Variants in ADGRA2 observed in about 807,000 individuals in gnomAD.
ADGRA2 encodes adhesion G protein-coupled receptor A2, also known as G-protein coupled receptor 124.
Under a neutral mutation model 98.7 loss-of-function variants are expected in ADGRA2, and 61 were observed. That is an observed-to-expected ratio of 0.62 (90% CI 0.50 to 0.76). ADGRA2 has a LOEUF of 0.76. ADGRA2 is among the 30% of genes least tolerant of loss of function. ADGRA2 has a pLI of 0.00. For missense variants in ADGRA2, 1,712 were observed against 1,860.0 expected (o/e 0.92, Z 1.46); for synonymous variants, 858 against 831.5 (o/e 1.03, Z -0.55).
At chr8:37,824,233 G>A (rs1805204391) in intron 2 of ADGRA2, among the ~76,000 whole-genome samples, 1 of 151,914 alleles carries the variant, frequency 6.6e-6, no homozygotes. Context: ...GTTTCACCAT[G>A]TTAGTCAGGC....
In ADGRA2 at chr8:37,802,466, A is replaced by G. The variant is rs189125070; in HGVS notation, c.266+4932A>G. ...GGAGGGGGAAAGAGCAAAGAAAAAG[A>G]AGGAAAGAAGAGAGGGAAGAGGCCA... On this transcript the variant is annotated intron_variant, in intron 1 of 18. Coordinates refer to ENST00000412232, the MANE Select transcript of ADGRA2 (RefSeq NM_032777.10). The surrounding 1 kb of genome is among the most constrained non-coding windows in gnomAD (Gnocchi z 4.7). Among the ~76,000 whole-genome samples, 12 of 152,108 alleles carry G rather than the reference A, an allele frequency of 7.9e-5. 1 individual carries two copies. In the East Asian group the frequency reaches 2.1e-3, roughly 27 times the overall value.
At chr8:37,829,665 C>G (rs540744440) in intron 5 of ADGRA2, 106 bp downstream of exon 5, 1 of 989,876 alleles carries the variant, frequency 1.0e-6, no homozygotes, top group East Asian at 2.4e-5. Context: ...CGAGTGGCCA[C>G]AGCAGACAGT....
chr8:37,822,835 A>G (rs1049386962), intron 2 of ADGRA2, among the ~76,000 whole-genome samples: 1 of 151,466 alleles, frequency 6.6e-6, no homozygotes, highest in Non-Finnish European at 1.5e-5. Context: ...ATTCCATTGT[A>G]TGACTACACC....
intron 2 of ADGRA2, among the ~76,000 whole-genome samples, chr8:37,823,190 C>CT (rs34242233): frequency 0.023 from 3,051 of 130,046 alleles, 54 homozygotes; most frequent in Non-Finnish European, 0.034. Context: ...CATGCCCAAC[C>CT]TTTTTTTTTT....
rs757672515 is a variant in ADGRA2 at position 37,797,568 on chromosome 8, C to T, written c.266+34C>T. 5 of 1,184,762 alleles carry T rather than the reference C, an allele frequency of 4.2e-6. No individual in the cohort carries two copies. In the East Asian group the frequency reaches 1.3e-4, roughly 31 times the overall value. 73.4% of individuals were successfully genotyped at this position (1,184,762 alleles called of 1,614,324 possible). A position where few individuals can be genotyped will look rare whatever the true frequency, so the allele number is the denominator to read the frequency against. ...CCTACCAGGCCAGTTCCGTCCGAGC[C>T]GGGACTGGGGACGAAGGGAGGCGAG... On this transcript the variant is annotated intron_variant, in intron 1 of 18. Transcript: ENST00000412232. This position sits in a 1 kb window ranked among gnomAD's most constrained non-coding sequence, Gnocchi z 5.3.
Position 37,839,083 on chromosome 8 carries a change from G to C in ADGRA2, c.2387G>C (p.Ser796Thr). ...ATCATCACCTACATCCTCAACCACA[G>C]GTGGGTGCTCCTGCAGGAGGGAGGG... ...ATIITYILNH[S>T]SIRVSRKGWH... Residue 796 changes from serine to threonine, a missense_variant and splice_region_variant, in exon 15 of 19, where the codon AGC becomes ACC. Ser to Thr is a moderately conservative substitution (Grantham distance 58). Coordinates refer to ENST00000412232, the MANE Select transcript of ADGRA2 (RefSeq NM_032777.10). 6.2e-7 allele frequency: 1 copy of C among 1,608,350 alleles called. No individual in the cohort carries two copies. The highest frequency in any genetic ancestry group is 8.5e-7 in the Non-Finnish European group (1 of 1,177,084).
intron 1 of ADGRA2, among the ~76,000 whole-genome samples, chr8:37,798,035 G>A (rs1304366712): frequency 6.6e-6 from 1 of 152,186 alleles, no homozygotes. Flanking sequence ...TCCCATCCTT[G>A]CCCCCTGGCC....
At chr8:37,832,947 C>T (rs1445183320) in intron 8 of ADGRA2, 63 bp from the exon 9 acceptor site, 13 of 1,301,084 alleles carry the variant, frequency 1.0e-5, no homozygotes, top group Admixed American at 7.0e-5. Flanking sequence ...GTTCTAAAGT[C>T]GGGAGAAGGG....
At chr8:37,811,830 C>T (rs569989434) in intron 1 of ADGRA2, among the ~76,000 whole-genome samples, 8 of 149,842 alleles carry the variant, frequency 5.3e-5, no homozygotes, top group Admixed American at 1.3e-4. Flanking sequence ...GGGCTGGGTG[C>T]GGTAGTTTAC....
chr8:37,824,684 C>G (rs1805222640), intron 2 of ADGRA2, among the ~76,000 whole-genome samples: 1 of 151,300 alleles, frequency 6.6e-6, no homozygotes, highest in African/African-American at 2.4e-5. Context: ...TTAGTAGAGA[C>G]AAGGTTTCAA....
At position 37,831,435 on chromosome 8, in the gene ADGRA2, G is replaced by A. The variant is rs771343117; in HGVS notation, c.945G>A (p.Leu315=). The A allele has an allele frequency of 1.9e-5, 31 of 1,611,468 alleles. No individual in the cohort carries two copies. In the South Asian group the frequency reaches 3.2e-4, roughly 17 times the overall value. Reference sequence around the variant, plus strand: ...CTGCCACCCGCAGTGAGCTGACGCTGTCTCACATCGGCGTGTGGGCCTCAG... The same window carrying A: ...CTGCCACCCGCAGTGAGCTGACGCTATCTCACATCGGCGTGTGGGCCTCAG... The part of the protein sequence containing the change: ...DCTFITSELT[L]SHIGVWASGE... The change falls in exon 8 of 19, where the codon CTG becomes CTA. Residue 315 remains leucine (L), a synonymous_variant. Coordinates refer to ENST00000412232, the MANE Select transcript of ADGRA2 (RefSeq NM_032777.10).
rs1007307320 is a variant in ADGRA2 at position 37,834,197 on chromosome 8, A to C, written c.1608+69A>C. On this transcript the variant is annotated intron_variant, in intron 11 of 18. Transcript: ENST00000412232. This position sits in a 1 kb window ranked among gnomAD's most constrained non-coding sequence, Gnocchi z 4.2. ...GGGAGGCGCTCCCTCTCAGGCGTGC[A>C]CCTGCCGTGCCCCAGCTAGCAAGAG... The C allele has an allele frequency of 5.6e-5, 76 of 1,359,542 alleles. No individual in the cohort carries two copies. The highest frequency in any genetic ancestry group is 3.6e-4 in the East Asian group (15 of 41,408). 84.2% of individuals were successfully genotyped at this position (1,359,542 alleles called of 1,614,324 possible). A position where few individuals can be genotyped will look rare whatever the true frequency, so the allele number is the denominator to read the frequency against.
rs746579792 is a variant in ADGRA2, at chr8:37,842,259, G to A, written c.3921G>A (p.Lys1307=). ...LNAASLNGAP[K]GGKYDDVTLM... The stretch of plus-strand genomic sequence containing the variant: ...CCGCCAGCCTAAACGGCGCCCCCAA[G>A]GGGGGCAAGTACGACGACGTCACCC... Residue 1307 remains lysine (K), a synonymous_variant, in exon 19 of 19, where the codon AAG becomes AAA. Coordinates refer to ENST00000412232, the MANE Select transcript of ADGRA2 (RefSeq NM_032777.10). 1.3e-6 allele frequency: 2 copies of A among 1,564,676 alleles called. No homozygotes were observed. Among genetic ancestry groups the A allele is most frequent in the African/African-American group, 2.7e-5 (2 of 73,404 alleles).
In ADGRA2 at chr8:37,814,863, C is replaced by T; in HGVS notation, c.267-33C>T. 6.5e-7 allele frequency: 1 copy of T among 1,533,436 alleles called. No homozygotes were observed. The highest frequency in any genetic ancestry group is 9.0e-7 in the Non-Finnish European group (1 of 1,106,476). The allele number at this position is 1,533,436 out of a possible 1,614,324, so 95.0% of individuals were successfully genotyped here. On this transcript the variant is annotated intron_variant, in intron 1 of 18. Coordinates refer to ENST00000412232, the MANE Select transcript of ADGRA2 (RefSeq NM_032777.10). This position sits in a 1 kb window ranked among gnomAD's most constrained non-coding sequence, Gnocchi z 4.3. ...GCGGATGCCCAGCACATAACAGCAC[C>T]TTGTCCTGTCTGTGTCCTCTCTGTC...
chr8:37,836,484 C>T (rs1327937674), intron 13 of ADGRA2, among the ~76,000 whole-genome samples: 1 of 152,128 alleles, frequency 6.6e-6, no homozygotes, highest in East Asian at 1.9e-4. Flanking sequence ...TCGCCACCCA[C>T]CTGGGGGCCT....
Position 37,841,039 on chromosome 8 carries a change from C to G in ADGRA2, c.2748-47C>G. 6.5e-7 allele frequency: 1 copy of G among 1,545,836 alleles called. No homozygotes were observed. On this transcript the variant is annotated intron_variant, in intron 18 of 18. Transcript: ENST00000412232. This position sits in a 1 kb window ranked among gnomAD's most constrained non-coding sequence, Gnocchi z 5.0. ...CAACCACCCCGGCCCCCAGCCCCAC[C>G]CCAGCCATGCCCCCTGTCCTCATCA... is the stretch of plus-strand genomic sequence containing the variant.
At chr8:37,819,836 A>G (rs1384127359) in intron 2 of ADGRA2, among the ~76,000 whole-genome samples, 2 of 151,824 alleles carry the variant, frequency 1.3e-5, no homozygotes, top group Admixed American at 1.3e-4. Context: ...ACACCTGGCT[A>G]ATTTTTGTAT....
chr8:37,835,527 C>G (rs1563351196), intron 12 of ADGRA2, 27 bp from the exon 13 acceptor site: 1 of 1,535,160 alleles, frequency 6.5e-7, no homozygotes, highest in Non-Finnish European at 9.0e-7. Flanking sequence ...GTCCTGGTGT[C>G]TCTGAGGAGC....
chr8:37,802,634 G>A lies in ADGRA2; in HGVS notation c.266+5100G>A, dbSNP rs1187260192. Among the ~76,000 whole-genome samples the A allele has an allele frequency of 6.6e-6, 1 of 152,152 alleles. No individual in the cohort carries two copies. Among genetic ancestry groups the A allele is most frequent in the Admixed American group, 6.5e-5 (1 of 15,282 alleles). On this transcript the variant is annotated intron_variant, in intron 1 of 18. Transcript: ENST00000412232. This position sits in a 1 kb window ranked among gnomAD's most constrained non-coding sequence, Gnocchi z 4.7. ...AGGCAGGGGCCCAGCAGAAACCTCA[G>A]TCTCTCCTGGACTCTTCCCCACCAC...
Sources: allele counts gnomAD v4.1 joint callset (sites outside exome capture counted in the v4.1 genomes callset), GRCh38; gene constraint gnomAD v4.1.1; non-coding constraint Gnocchi (gnomAD v3.1); transcripts MANE v1.5; gene names NCBI Gene and HGNC (gene_info 2026-07-23, HGNC 2026-07-21).